ERBB4: variants seen among roughly 807,000 people sequenced by gnomAD.
ERBB4 encodes erb-b2 receptor tyrosine kinase 4, also known as receptor tyrosine-protein kinase erbB-4.
In ERBB4, 42 loss-of-function variants were observed where a neutral mutation model predicts 158.0. That is an observed-to-expected ratio of 0.27 (90% CI 0.21 to 0.34). The LOEUF (loss-of-function observed/expected upper bound fraction) is 0.34. ERBB4 is among the 10% of genes least tolerant of loss of function. The pLI is 1.00. For synonymous variants in ERBB4, 583 were observed against 558.7 expected (o/e 1.04, Z -0.61); for missense variants, 1,333 against 1,624.1 (o/e 0.82, Z 3.08).
intron 13 of ERBB4, among the ~76,000 whole-genome samples, chr2:211,676,112 T>C (rs963412125): frequency 5.3e-5 from 8 of 152,008 alleles, no homozygotes; most frequent in Admixed American, 2.6e-4. Flanking sequence ...AGCAATGAAG[T>C]TGGGATATAA....
chr2:211,811,409 G>T (rs2076753724), intron 3 of ERBB4, among the ~76,000 whole-genome samples: 1 of 152,040 alleles, frequency 6.6e-6, no homozygotes, highest in African/African-American at 2.4e-5. Flanking sequence ...GCTTCCCTTT[G>T]TGGGTAACCT....
chr2:211,637,079 A>AT (rs2125886479), intron 16 of ERBB4, among the ~76,000 whole-genome samples: 1 of 152,098 alleles, frequency 6.6e-6, no homozygotes, highest in African/African-American at 2.4e-5. Flanking sequence ...GTTATATTTC[A>AT]TTTTAAAAAT....
intron 20 of ERBB4, among the ~76,000 whole-genome samples, chr2:211,442,680 T>G (rs2064011200): frequency 6.6e-6 from 1 of 150,596 alleles, no homozygotes; most frequent in African/African-American, 2.5e-5. Context: ...TGTATATACC[T>G]GTATATATGT....
rs1403356049 is a variant in ERBB4, at chr2:211,623,903, T to C, written c.2202+19A>G. On this transcript the variant is annotated intron_variant, in intron 18 of 27. Transcript: ENST00000342788. Reference sequence around the variant, plus strand: ...CTAAAACAAAACTTAACTAACGATATGCGTTGTTTTTTACTTACTTTATAA... The same window carrying C: ...CTAAAACAAAACTTAACTAACGATACGCGTTGTTTTTTACTTACTTTATAA... The C allele has an allele frequency of 1.9e-6, 3 of 1,613,294 alleles. No homozygotes were observed. The highest frequency in any genetic ancestry group is 1.7e-4 in the Middle Eastern group (1 of 6,056).
At chr2:212,158,840 A>C (rs989914478) in intron 1 of ERBB4, among the ~76,000 whole-genome samples, 120 of 152,174 alleles carry the variant, frequency 7.9e-4, no homozygotes, top group African/African-American at 2.8e-3. Context: ...AATGCCTGTC[A>C]AAAAGCTAAG....
chr2:212,213,780 A>G lies in ERBB4; in HGVS notation c.83-88877T>C, dbSNP rs2083008913. 2.0e-5 allele frequency among the ~76,000 whole-genome samples: 3 copies of G among 151,394 alleles called. No individual in the cohort carries two copies. In the South Asian group the frequency reaches 6.3e-4, roughly 32 times the overall value. On this transcript the variant is annotated intron_variant, in intron 1 of 27. Coordinates refer to ENST00000342788, the MANE Select transcript of ERBB4 (RefSeq NM_005235.3). Reference sequence around the variant, plus strand: ...TGCCTGATATAGTAACTCCATAACCACTCTTACCAAGGTCTATAGGCTATT... The same window carrying G: ...TGCCTGATATAGTAACTCCATAACCGCTCTTACCAAGGTCTATAGGCTATT...
intron 20 of ERBB4, among the ~76,000 whole-genome samples, chr2:211,491,246 C>T (rs190938404): frequency 3.2e-4 from 49 of 152,012 alleles, no homozygotes; most frequent in African/African-American, 1.0e-3. Flanking sequence ...TAGAAATGTA[C>T]GAAGTCTCAA....
chr2:212,482,215 C>T (rs1345462475), intron 1 of ERBB4, among the ~76,000 whole-genome samples: 2 of 152,170 alleles, frequency 1.3e-5, no homozygotes, highest in African/African-American at 4.8e-5. Context: ...AATTTAAAAA[C>T]CCAAATCAAA....
chr2:211,524,715 C>T (rs1041013071), intron 20 of ERBB4, among the ~76,000 whole-genome samples: 30 of 152,082 alleles, frequency 2.0e-4, no homozygotes, highest in African/African-American at 6.3e-4. Context: ...TCCAGCTGGC[C>T]CGCAAGCGCC....
intron 1 of ERBB4, among the ~76,000 whole-genome samples, chr2:212,443,361 T>C (rs2092290983): frequency 6.6e-6 from 1 of 152,204 alleles, no homozygotes; most frequent in African/African-American, 2.4e-5. Flanking sequence ...TACCAGAGGA[T>C]GGGAAATAAA....
chr2:212,426,886 T>C (rs1329136263), intron 1 of ERBB4, among the ~76,000 whole-genome samples: 1 of 152,082 alleles, frequency 6.6e-6, no homozygotes, highest in Non-Finnish European at 1.5e-5. Context: ...CCAATAGATA[T>C]AATCAAATGT....
rs762743981 is a variant in ERBB4 at position 211,424,214 on chromosome 2, C to G, written c.2807G>C (p.Gly936Ala). The G allele has an allele frequency of 5.6e-6, 9 of 1,613,306 alleles. No homozygotes were observed. Among genetic ancestry groups the G allele is most frequent in the Non-Finnish European group, 7.6e-6 (9 of 1,179,516 alleles). The change falls in exon 23 of 28, where the codon GGA becomes GCA. Residue 936 changes from glycine to alanine, a missense_variant. Coordinates refer to ENST00000342788, the MANE Select transcript of ERBB4 (RefSeq NM_005235.3). ...TREIPDLLEK[G>A]ERLPQPPICT... The stretch of plus-strand genomic sequence containing the variant: ...GATGGGAGGCTGAGGCAAACGTTCT[C>G]CTTTCTCTAATAAATCAGGGATTTC...
At chr2:211,861,863 T>C (rs1340190526) in intron 3 of ERBB4, among the ~76,000 whole-genome samples, 1 of 148,260 alleles carries the variant, frequency 6.7e-6, no homozygotes, top group African/African-American at 2.4e-5. Flanking sequence ...TGCTGACCAA[T>C]GGGGTTATAA....
At chr2:212,458,502 G>A (rs548495270) in intron 1 of ERBB4, among the ~76,000 whole-genome samples, 18 of 152,190 alleles carry the variant, frequency 1.2e-4, no homozygotes, top group African/African-American at 4.3e-4. Flanking sequence ...AGAGGAAGAT[G>A]AGTCTTGAAA....
intron 19 of ERBB4, among the ~76,000 whole-genome samples, chr2:211,564,786 C>T (rs955434350): frequency 6.6e-6 from 1 of 151,942 alleles, no homozygotes; most frequent in African/African-American, 2.4e-5. Context: ...AAAAGCTATA[C>T]AACAAACGGA....
chr2:211,732,387 T>C (rs2074451819), intron 5 of ERBB4, among the ~76,000 whole-genome samples: 1 of 151,234 alleles, frequency 6.6e-6, no homozygotes, highest in South Asian at 2.1e-4. Flanking sequence ...CCTAGCAAAA[T>C]GGAATTATCA....
intron 20 of ERBB4, among the ~76,000 whole-genome samples, chr2:211,498,797 C>T (rs934761239): frequency 2.6e-5 from 4 of 152,128 alleles, no homozygotes; most frequent in Non-Finnish European, 5.9e-5. Context: ...GGCTGAGAGA[C>T]AGAAGCTAGG....
At chr2:211,398,199 C>T (rs1271104558) in intron 25 of ERBB4, among the ~76,000 whole-genome samples, 1 of 152,068 alleles carries the variant, frequency 6.6e-6, no homozygotes, top group Non-Finnish European at 1.5e-5. Flanking sequence ...TCCTCTACCC[C>T]ACTCCTTATA....
At chr2:212,332,905 A>AT (rs757097457) in intron 1 of ERBB4, among the ~76,000 whole-genome samples, 2 of 151,998 alleles carry the variant, frequency 1.3e-5, no homozygotes. Flanking sequence ...GTGAGTAGTG[A>AT]TTTTTTCCCC....
Sources: allele counts gnomAD v4.1 joint callset (sites outside exome capture counted in the v4.1 genomes callset), GRCh38; gene constraint gnomAD v4.1.1; transcripts MANE v1.5; gene names NCBI Gene and HGNC (gene_info 2026-07-23, HGNC 2026-07-21).